The following TBC1D4 variants were observed in gnomAD, a reference collection of about 807,000 sequenced individuals.
TBC1D4 encodes the protein TBC (Tre-2, BUB2, CDC16) domain-containing protein.
In TBC1D4, 121 loss-of-function variants were observed where a neutral mutation model predicts 142.5. The observed-to-expected ratio is 0.85, with a 90% CI of 0.73 to 0.99. The LOEUF is 0.99. Ranked by LOEUF, TBC1D4 falls within the 50% of genes least tolerant of loss-of-function variation. The probability of loss-of-function intolerance (pLI) is 0.00; values close to 1 mark genes in which losing one functional copy is unlikely to be tolerated. For synonymous variants in TBC1D4, 630 were observed against 628.2 expected (o/e 1.00, Z -0.04); for missense variants, 1,475 against 1,606.6 (o/e 0.92, Z 1.40).
In TBC1D4 at chr13:75,481,652, C is replaced by T. The variant is rs754771427; in HGVS notation, c.116G>A (p.Trp39Ter). ...GKPSDKRFRL[W>*]YVGGSCLDHR... ...GTCCAGGCACGACCCCCCAACGTAC[C>T]ACAGCCGGAACCGCTTATCGCTTGG... The change falls in exon 1 of 21, where the codon TGG (tryptophan) becomes TAG (stop). Residue 39 changes from tryptophan to a stop codon, truncating the protein, a stop_gained. Coordinates refer to ENST00000377636, the MANE Select transcript of TBC1D4 (RefSeq NM_014832.5). LOFTEE classifies it high-confidence loss of function. The T allele has an allele frequency of 1.9e-6, 3 of 1,604,140 alleles. No homozygotes were observed. In the Admixed American group the frequency reaches 5.1e-5, roughly 27 times the overall value.
intron 1 of TBC1D4, among the ~76,000 whole-genome samples, chr13:75,440,706 A>C (rs1344470330): frequency 6.6e-6 from 1 of 150,910 alleles, no homozygotes; most frequent in African/African-American, 2.4e-5. Context: ...GGCCCGTACC[A>C]GCACACCCAG....
intron 5 of TBC1D4, among the ~76,000 whole-genome samples, 198 bp downstream of exon 5, chr13:75,348,954 AGTGTGTGTGTGTGTGTGT>A (rs55954112): frequency 2.2e-5 from 3 of 139,166 alleles, no homozygotes; most frequent in East Asian, 2.1e-4. Context: ...AGAGAGAGAG[AGTGTGTGTGTGTGTGTGT>A]GTGTGTGTGT....
chr13:75,335,428 T>G (rs779766384), intron 8 of TBC1D4, among the ~76,000 whole-genome samples: 3 of 152,174 alleles, frequency 2.0e-5, no homozygotes, highest in Non-Finnish European at 2.9e-5. Context: ...AAATGGAATA[T>G]ATATACTTAC....
At chr13:75,292,068 C>T in intron 19 of TBC1D4, 34 bp downstream of exon 19, 1 of 1,553,366 alleles carries the variant, frequency 6.4e-7, no homozygotes, top group Non-Finnish European at 8.8e-7. Context: ...GTAGAGAAAA[C>T]TGCTATATAA....
chr13:75,302,968 A>G (rs567684346), intron 15 of TBC1D4: 2 of 163,202 alleles, frequency 1.2e-5, no homozygotes, highest in South Asian at 1.7e-4. Flanking sequence ...AATATTTGTC[A>G]TCAACAAGTA....
Position 75,349,193 on chromosome 13 carries a change from T to C in TBC1D4, c.1385A>G (p.His462Arg), listed in dbSNP as rs1430242307. The C allele has an allele frequency of 1.9e-6, 3 of 1,614,082 alleles. No homozygotes were observed. Among genetic ancestry groups the C allele is most frequent in the Non-Finnish European group, 2.5e-6 (3 of 1,179,956 alleles). ...ACCTTCAATCCTTTCACAGAGCTTATGCAAAGAGTGCATCGGGCAGGCCTC... is the reference window on the plus strand; with the variant it reads ...ACCTTCAATCCTTTCACAGAGCTTACGCAAAGAGTGCATCGGGCAGGCCTC... Reference protein sequence around the residue: ...LCEACPMHSLHKLCERIEGLY... With the variant: ...LCEACPMHSLRKLCERIEGLY... Residue 462 changes from histidine (H) to arginine (R), a missense_variant, in exon 5 of 21, where the codon CAT becomes CGT. Around this residue, in one of 2 missense-constraint regions of TBC1D4, gnomAD observed 1,227 missense variants for 1,267.7 expected, o/e 0.97. Transcript: ENST00000377636.
Position 75,286,775 on chromosome 13 carries a change from AG to A in TBC1D4, c.*16del. 6.2e-7 allele frequency: 1 copy of A among 1,611,274 alleles called. No individual in the cohort carries two copies. Among genetic ancestry groups the A allele is most frequent in the Admixed American group, 1.7e-5 (1 of 59,660 alleles). On this transcript the variant is annotated 3_prime_UTR_variant, in exon 21 of 21. Transcript: ENST00000377636. ...GTATTCTAAGGAGCACTTTCTGCTGAGGCCGTGCCTCTTCAATTATGGCTTA... is the reference window on the plus strand; with the variant it reads ...GTATTCTAAGGAGCACTTTCTGCTGAGCCGTGCCTCTTCAATTATGGCTTA...
At chr13:75,304,695 G>A (rs559348446) in intron 15 of TBC1D4, among the ~76,000 whole-genome samples, 60 of 152,170 alleles carry the variant, frequency 3.9e-4, no homozygotes, top group Middle Eastern at 6.8e-3. Context: ...GGAGAGGACC[G>A]CATAAAGGCC....
At position 75,453,362 on chromosome 13, in the gene TBC1D4, CAAT is replaced by C. The variant is rs1358967913; in HGVS notation, c.498+27905_498+27907del. The stretch of plus-strand genomic sequence containing the variant: ...TATATCATAGCCTTTATTTTTAATA[CAAT>C]AATAACATTATGCAATTAAAACTTA... On this transcript the variant is annotated intron_variant, in intron 1 of 20. Transcript: ENST00000377636. Among the ~76,000 whole-genome samples the C allele has an allele frequency of 1.8e-4, 28 of 152,030 alleles. 1 individual carries two copies. Among genetic ancestry groups the C allele is most frequent in the East Asian group, 3.9e-4 (2 of 5,188 alleles).
At chr13:75,384,572 A>G (rs1884063068) in intron 1 of TBC1D4, among the ~76,000 whole-genome samples, 1 of 145,856 alleles carries the variant, frequency 6.9e-6, no homozygotes, top group East Asian at 2.1e-4. Context: ...AAAAAAAAAA[A>G]GTTTCTTTAA....
Position 75,310,013 on chromosome 13 carries a change from C to G in TBC1D4, c.2522G>C (p.Ser841Thr), listed in dbSNP as rs1238878502. The G allele has an allele frequency of 6.2e-7, 1 of 1,614,140 alleles. No homozygotes were observed. The highest frequency in any genetic ancestry group is 2.2e-5 in the East Asian group (1 of 44,878). The change falls in exon 14 of 21, where the codon AGC (serine) becomes ACC (threonine). Residue 841 changes from serine to threonine, a missense_variant. Ser to Thr is a moderately conservative substitution (Grantham distance 58). Transcript: ENST00000377636. Reference protein sequence around the residue: ...EERKKSKELRSLWRKAIHQQI... With the variant: ...EERKKSKELRTLWRKAIHQQI... The stretch of plus-strand genomic sequence containing the variant: ...TTGGTGTATAGCTTTTCTCCACAAG[C>G]TCCTCAGTTCTTTTGATTTCTTTCT...
At chr13:75,410,589 G>C (rs4530013) in intron 1 of TBC1D4, among the ~76,000 whole-genome samples, 130,737 of 152,202 alleles carry the variant, frequency 0.86, 56,585 homozygotes, top group East Asian at 0.97. Flanking sequence ...ACACCTGTCT[G>C]TTTTTCAGAA....
intron 1 of TBC1D4, among the ~76,000 whole-genome samples, chr13:75,434,055 G>A (rs189191061): frequency 2.0e-4 from 31 of 152,342 alleles, no homozygotes; most frequent in African/African-American, 6.7e-4. Flanking sequence ...CTTATTCACT[G>A]TTGGTGGGAG....
intron 1 of TBC1D4, among the ~76,000 whole-genome samples, chr13:75,456,507 A>G (rs1326279014): frequency 2.0e-5 from 3 of 151,850 alleles, no homozygotes; most frequent in Non-Finnish European, 2.9e-5. Flanking sequence ...AGCACTTCAC[A>G]AAAGATAACA....
chr13:75,451,453 G>A (rs1887525979), intron 1 of TBC1D4, among the ~76,000 whole-genome samples: 2 of 149,718 alleles, frequency 1.3e-5, no homozygotes, highest in South Asian at 4.2e-4. Flanking sequence ...TACATATTTT[G>A]TTAAATATAT....
intron 12 of TBC1D4, among the ~76,000 whole-genome samples, chr13:75,314,999 A>AT (rs529824921): frequency 1.8e-4 from 26 of 146,046 alleles, no homozygotes; most frequent in East Asian, 1.2e-3. Context: ...TTATAATTAA[A>AT]TTTTTTTTTT....
In TBC1D4 at chr13:75,312,739, T is replaced by C. The variant is rs1487717314; in HGVS notation, c.2382A>G (p.Gln794=). Residue 794 remains glutamine (Q), a splice_region_variant and synonymous_variant, in exon 13 of 21, where the codon CAA becomes CAG. Transcript: ENST00000377636. The part of the protein sequence containing the change: ...MNKSPSAMQQ[Q]DGLDRNELLP... ...TTCCTTAGGGAGTGCAACACAGACC[T>C]TGCTGTTGCATTGCTGAGGGAGATT... 1.9e-6 allele frequency: 3 copies of C among 1,614,068 alleles called. No individual in the cohort carries two copies. Among genetic ancestry groups the C allele is most frequent in the African/African-American group, 2.7e-5 (2 of 74,926 alleles).
chr13:75,404,813 G>C (rs1414199020), intron 1 of TBC1D4, among the ~76,000 whole-genome samples: 1 of 152,132 alleles, frequency 6.6e-6, no homozygotes, highest in Non-Finnish European at 1.5e-5. Context: ...TTAAGTTACA[G>C]TTAAAAATTG....
At chr13:75,363,836 A>G (rs1170568685) in intron 1 of TBC1D4, among the ~76,000 whole-genome samples, 1 of 152,258 alleles carries the variant, frequency 6.6e-6, no homozygotes, top group Non-Finnish European at 1.5e-5. Context: ...TGAAGAGATA[A>G]ATAAAATGTG....
Sources: gnomAD v4.1 joint callset for allele counts (sites outside exome capture counted in the v4.1 genomes callset) on GRCh38, gnomAD v4.1.1 for gene constraint, gnomAD v4.1.1 regional missense constraint, MANE v1.5 for transcripts, NCBI Gene and HGNC (gene_info 2026-07-23, HGNC 2026-07-21) for gene names.